The following TNR variants were observed in gnomAD, a reference collection of about 807,000 sequenced individuals.
TNR encodes tenascin-R.
A neutral mutation model predicts 150.4 loss-of-function variants in TNR; 45 were observed. That is an observed-to-expected ratio of 0.30 (90% CI 0.24 to 0.38). The LOEUF (loss-of-function observed/expected upper bound fraction) is 0.38, where lower values mean the gene tolerates loss of function less well. Among genes scored for constraint, TNR ranks in the 10% least tolerant of loss-of-function variants. TNR has a pLI of 1.00. For synonymous variants in TNR, 687 were observed against 678.4 expected (o/e 1.01, Z -0.20); for missense variants, 1,544 against 1,759.1 (o/e 0.88, Z 2.19).
chr1:175,734,659 G>C (rs1298542809), intron 1 of TNR, among the ~76,000 whole-genome samples: 2 of 152,236 alleles, frequency 1.3e-5, no homozygotes, highest in African/African-American at 4.8e-5. Context: ...TTTATTTAAA[G>C]CCAGGCTTCT....
chr1:175,657,618 T>C (rs1420791402), intron 1 of TNR, among the ~76,000 whole-genome samples: 2 of 151,346 alleles, frequency 1.3e-5, no homozygotes, highest in Non-Finnish European at 2.9e-5. Context: ...ATGTCCTTTG[T>C]AGGGACATGG....
At chr1:175,494,942 C>T (rs968549538) in intron 2 of TNR, among the ~76,000 whole-genome samples, 6 of 152,174 alleles carry the variant, frequency 3.9e-5, no homozygotes, top group East Asian at 1.9e-4. Context: ...CCAGAGGAGT[C>T]GAAAACGGGT....
At chr1:175,719,522 C>A (rs566240938) in intron 1 of TNR, among the ~76,000 whole-genome samples, 41 of 152,298 alleles carry the variant, frequency 2.7e-4, no homozygotes, top group African/African-American at 9.4e-4. Flanking sequence ...AATGAGGTAA[C>A]CAGTATGAGG....
chr1:175,673,895 C>G (rs1665777260), intron 1 of TNR, among the ~76,000 whole-genome samples: 2 of 152,244 alleles, frequency 1.3e-5, no homozygotes, highest in African/African-American at 4.8e-5. Flanking sequence ...CAACAAAAAA[C>G]CACATCGGAA....
chr1:175,597,710 T>C (rs1558029847), intron 1 of TNR, among the ~76,000 whole-genome samples: 1 of 152,154 alleles, frequency 6.6e-6, no homozygotes, highest in East Asian at 1.9e-4. Flanking sequence ...TGTGGGGGCA[T>C]GGGGGCCCTA....
chr1:175,659,214 C>T (rs958548870), intron 1 of TNR, among the ~76,000 whole-genome samples: 10 of 152,144 alleles, frequency 6.6e-5, no homozygotes, highest in African/African-American at 2.4e-4. Context: ...TCATGGCCTC[C>T]CCAAGAAGGC....
chr1:175,710,132 A>C (rs1297328925), intron 1 of TNR, among the ~76,000 whole-genome samples: 1 of 152,162 alleles, frequency 6.6e-6, no homozygotes, highest in Non-Finnish European at 1.5e-5. Flanking sequence ...AATGGATTGG[A>C]GCATGACAAG....
At chr1:175,447,145 C>T (rs1473866294) in intron 2 of TNR, among the ~76,000 whole-genome samples, 4 of 150,858 alleles carry the variant, frequency 2.7e-5, no homozygotes, top group Non-Finnish European at 4.4e-5. Flanking sequence ...GCACCCTCAT[C>T]TGGGATCTTT....
Position 175,367,278 on chromosome 1 carries a change from C to T in TNR, c.1983G>A (p.Glu661=), listed in dbSNP as rs1468834693. ...ATLTDLVPGT[E]YGVGISAVMN... ...TGACGGCAGATATTCCAACTCCATA[C>T]TCAGTGCCAGGTACCAGATCTATCA... The change falls in exon 10 of 23, where the codon GAG becomes GAA. Residue 661 remains glutamate, a synonymous_variant. Transcript: ENST00000367674. 1 of 1,614,146 alleles carries T rather than the reference C, an allele frequency of 6.2e-7. No individual in the cohort carries two copies. The highest frequency in any genetic ancestry group is 1.3e-5 in the African/African-American group (1 of 75,030).
At chr1:175,341,048 G>A (rs911668930) in intron 18 of TNR, among the ~76,000 whole-genome samples, 2 of 152,178 alleles carry the variant, frequency 1.3e-5, no homozygotes, top group Non-Finnish European at 2.9e-5. Context: ...TGCTTTGGGG[G>A]TTATTGGACT....
chr1:175,417,031 G>GAAAGAAAT (rs1654508128), intron 2 of TNR, among the ~76,000 whole-genome samples: 2 of 96,242 alleles, frequency 2.1e-5, no homozygotes, highest in African/African-American at 7.6e-5. Flanking sequence ...AAGAAAGAAA[G>GAAAGAAAT]AAAGAAAGAA....
chr1:175,421,604 A>G (rs941689632), intron 2 of TNR, among the ~76,000 whole-genome samples: 1 of 152,182 alleles, frequency 6.6e-6, no homozygotes, highest in Non-Finnish European at 1.5e-5. Context: ...AGACCCACAA[A>G]TGTGTCTAGA....
At chr1:175,689,664 T>C (rs370841331) in intron 1 of TNR, among the ~76,000 whole-genome samples, 22 of 152,322 alleles carry the variant, frequency 1.4e-4, no homozygotes, top group African/African-American at 3.6e-4. Flanking sequence ...ATTGCCTTTA[T>C]TGGCCTCGAT....
At chr1:175,731,873 C>T (rs925444881) in intron 1 of TNR, among the ~76,000 whole-genome samples, 5 of 152,248 alleles carry the variant, frequency 3.3e-5, no homozygotes, top group Non-Finnish European at 2.9e-5. Context: ...CAGGCCTGCC[C>T]AGACCCCAGT....
At chr1:175,686,011 A>C (rs1666188825) in intron 1 of TNR, among the ~76,000 whole-genome samples, 1 of 152,084 alleles carries the variant, frequency 6.6e-6, no homozygotes, top group African/African-American at 2.4e-5. Context: ...GCTTTCTACC[A>C]CCAGGCTTGA....
intron 15 of TNR, among the ~76,000 whole-genome samples, chr1:175,358,113 A>G (rs1651414916): frequency 6.6e-6 from 1 of 152,236 alleles, no homozygotes; most frequent in African/African-American, 2.4e-5. Flanking sequence ...TTGAGAAAGC[A>G]TGGTGATAAT....
Position 175,365,035 on chromosome 1 carries a change from C to T in TNR, c.2562G>A (p.Glu854=), listed in dbSNP as rs1428393093. Residue 854 remains glutamate (E), a synonymous_variant, in exon 12 of 23, where the codon GAG becomes GAA. Coordinates refer to ENST00000367674, the MANE Select transcript of TNR (RefSeq NM_003285.3). ...CTGTGGTGATGGAGCCCACAATGGG[C>T]TCAGAGGTCACTGTGCCATGGACAG... The part of the protein sequence containing the change: ...LVAVHGTVTS[E]PIVGSITTGI... The T allele has an allele frequency of 6.2e-7, 1 of 1,613,298 alleles. No individual in the cohort carries two copies. The highest frequency in any genetic ancestry group is 8.5e-7 in the Non-Finnish European group (1 of 1,179,440).
intron 1 of TNR, among the ~76,000 whole-genome samples, chr1:175,568,761 C>T (rs1571619005): frequency 6.6e-6 from 1 of 152,198 alleles, no homozygotes; most frequent in East Asian, 1.9e-4. Context: ...AGGAACCCTC[C>T]TCTTAGGGAC....
chr1:175,467,567 G>A (rs529762848), intron 2 of TNR, among the ~76,000 whole-genome samples: 185 of 152,186 alleles, frequency 1.2e-3, no homozygotes, highest in Non-Finnish European at 2.5e-3. Context: ...TTTGGCACAG[G>A]GAGGCATCGA....
Sources: gnomAD v4.1 joint callset for allele counts (sites outside exome capture counted in the v4.1 genomes callset) on GRCh38, gnomAD v4.1.1 for gene constraint, MANE v1.5 for transcripts, NCBI Gene and HGNC (gene_info 2026-07-23, HGNC 2026-07-21) for gene names.